DMXL1: variants seen among roughly 807,000 people sequenced by gnomAD.
The protein encoded by DMXL1 is Dmx like 1, also known as dmX-like protein 1.
Under a neutral mutation model 319.2 loss-of-function variants are expected in DMXL1, and 99 were observed. The ratio of observed to expected loss-of-function variants is 0.31; its 90% CI spans 0.26 to 0.37. The LOEUF (loss-of-function observed/expected upper bound fraction) is 0.37, where lower values mean the gene tolerates loss of function less well. DMXL1 is among the 10% of genes least tolerant of loss of function. The pLI is 1.00. For synonymous variants in DMXL1, 1,385 were observed against 1,235.2 expected, an observed-to-expected ratio of 1.12 and a Z score of -2.54; for missense variants, 3,745 against 3,595.6, an observed-to-expected ratio of 1.04 and a Z score of -1.06.
intron 8 of DMXL1, among the ~76,000 whole-genome samples, chr5:119,120,605 A>G (rs145338302): frequency 6.6e-6 from 1 of 152,394 alleles, no homozygotes; most frequent in African/African-American, 2.4e-5. Context: ...AGTTAGCTAT[A>G]GACAAAAGAC....
At chr5:119,085,491 C>T (rs758060906) in intron 1 of DMXL1, among the ~76,000 whole-genome samples, 15 of 152,040 alleles carry the variant, frequency 9.9e-5, no homozygotes, top group Non-Finnish European at 1.9e-4. Flanking sequence ...CTATTCTATA[C>T]ACCATTGATG....
Position 119,247,278 on chromosome 5 carries a change from T to C in DMXL1, c.*59T>C. The C allele has an allele frequency of 8.7e-7, 1 of 1,149,774 alleles. No homozygotes were observed. Among genetic ancestry groups the C allele is most frequent in the South Asian group, 1.5e-5 (1 of 65,958 alleles). 71.2% of individuals were successfully genotyped at this position (1,149,774 alleles called of 1,614,324 possible). On this transcript the variant is annotated 3_prime_UTR_variant, in exon 44 of 44. Transcript: ENST00000539542. ...ATATGGAAGTGGCCAACAGATATAA[T>C]ATACAGTGATCATTCTCTATGCCAC...
At chr5:119,138,698 G>A (rs182177958) in intron 13 of DMXL1, among the ~76,000 whole-genome samples, 2 of 152,258 alleles carry the variant, frequency 1.3e-5, no homozygotes, top group African/African-American at 2.4e-5. Flanking sequence ...TTAGCCAGAT[G>A]TGGTGGCAGG....
In DMXL1 at chr5:119,127,207, C is replaced by G. The variant is rs1580873207; in HGVS notation, c.1103-2004C>G. On this transcript the variant is annotated intron_variant, in intron 9 of 43. Transcript: ENST00000539542. The stretch of plus-strand genomic sequence containing the variant: ...GTATGTGTGTTCCTATCAAGATACT[C>G]CTTAGAATTGTAAAATTACAGTGCT... The G allele has an allele frequency of 1.6e-5, 3 of 183,112 alleles. No homozygotes were observed. In the South Asian group the frequency reaches 4.2e-4, roughly 25 times the overall value. The allele number at this position is 183,112 out of a possible 1,614,324, so 11.3% of individuals were successfully genotyped here.
At chr5:119,230,410 G>T (rs752561510) in intron 38 of DMXL1, among the ~76,000 whole-genome samples, 1 of 152,104 alleles carries the variant, frequency 6.6e-6, no homozygotes, top group Admixed American at 6.6e-5. Flanking sequence ...TTTTAAGTGC[G>T]TTAGATATAA....
In DMXL1 at chr5:119,071,390, C is replaced by CCGGGGCTCGGGATGAGTCG. The variant is rs1480926156; in HGVS notation, c.-175_-157dup. On this transcript the variant is annotated 5_prime_UTR_variant, in exon 1 of 44. The change creates a new upstream start codon in the 5' untranslated region. Transcript: ENST00000539542. The stretch of plus-strand genomic sequence containing the variant: ...ACCCGCCCCCTCCGGGCCTCGCCCT[C>CCGGGGCTCGGGATGAGTCG]CGGGGCTCGGGATGAGTCGCGGGCC... 5.0e-6 allele frequency: 3 copies of CCGGGGCTCGGGATGAGTCG among 598,100 alleles called. No homozygotes were observed. The highest frequency in any genetic ancestry group is 8.5e-6 in the Non-Finnish European group (3 of 351,488). 37.0% of individuals were successfully genotyped at this position (598,100 alleles called of 1,614,324 possible).
chr5:119,183,931 T>A (rs1777227281), intron 28 of DMXL1, among the ~76,000 whole-genome samples: 1 of 152,218 alleles, frequency 6.6e-6, no homozygotes, highest in African/African-American at 2.4e-5. Flanking sequence ...TGTGCATGTA[T>A]AGATTTTTAC....
chr5:119,159,759 G>A (rs74654205), intron 19 of DMXL1, among the ~76,000 whole-genome samples: 3 of 152,126 alleles, frequency 2.0e-5, no homozygotes, highest in African/African-American at 7.2e-5. Flanking sequence ...AAGTAGCTGG[G>A]ATTACAGGTT....
Position 119,114,494 on chromosome 5 carries a change from T to C in DMXL1, c.517T>C (p.Leu173=). Residue 173 remains leucine, a synonymous_variant, in exon 6 of 44, where the codon TTA becomes CTA. Transcript: ENST00000539542. ...WHCKTASQVH[L]MKFSPDGEFF... The stretch of plus-strand genomic sequence containing the variant: ...TTACAGAACTGCTTCCCAAGTTCAT[T>C]TAATGAAATTTTCACCAGATGGAGA... 6.2e-7 allele frequency: 1 copy of C among 1,609,140 alleles called. No individual in the cohort carries two copies.
chr5:119,135,476 A>C (rs1765787326), intron 13 of DMXL1, among the ~76,000 whole-genome samples: 1 of 152,178 alleles, frequency 6.6e-6, no homozygotes, highest in South Asian at 2.1e-4. Context: ...GTGATTTGGG[A>C]AAACGGACAG....
chr5:119,090,845 G>A (rs930431729), intron 1 of DMXL1, among the ~76,000 whole-genome samples: 6 of 151,868 alleles, frequency 4.0e-5, no homozygotes, highest in Admixed American at 2.0e-4. Context: ...GATTACAGGC[G>A]TGAGCCACCG....
chr5:119,170,284 TGATACA>T lies in DMXL1; in HGVS notation c.5494_5499del (p.Asp1832_Thr1833del), dbSNP rs759289692. On this transcript the variant is annotated inframe_deletion, in exon 24 of 44. Transcript: ENST00000539542. ...TGCTGAGACGTCATTTTGGATCATC[TGATACA>T]TTTTCCACACATATGAGCCTAACAG... is the stretch of plus-strand genomic sequence containing the variant. The T allele has an allele frequency of 3.1e-6, 5 of 1,613,906 alleles. No homozygotes were observed. In the Admixed American group the frequency reaches 8.3e-5, roughly 27 times the overall value.
intron 3 of DMXL1, 67 bp downstream of exon 3, chr5:119,102,073 A>G: frequency 9.9e-7 from 1 of 1,012,510 alleles, no homozygotes; most frequent in Non-Finnish European, 1.5e-6. Context: ...GTGTAAAATC[A>G]GAGTGATCAT....
chr5:119,218,745 C>T (rs1236548805), intron 35 of DMXL1, among the ~76,000 whole-genome samples: 1 of 152,222 alleles, frequency 6.6e-6, no homozygotes, highest in East Asian at 1.9e-4. Context: ...AGGCGTGAGC[C>T]ACTGCACCCA....
At chr5:119,196,319 T>G in intron 30 of DMXL1, 52 bp from the exon 31 acceptor site, 1 of 1,407,198 alleles carries the variant, frequency 7.1e-7, no homozygotes, top group Non-Finnish European at 1.0e-6. Flanking sequence ...TAGTATACTC[T>G]TCTAAATCCC....
chr5:119,134,167 G>A lies in DMXL1; in HGVS notation c.2243G>A (p.Ser748Asn). The A allele has an allele frequency of 1.2e-6, 2 of 1,612,686 alleles. No homozygotes were observed. The highest frequency in any genetic ancestry group is 3.3e-5 in the Admixed American group (2 of 59,734). The stretch of plus-strand genomic sequence containing the variant: ...GCATGGCTGCCCACTCTTATACCCA[G>A]TTATTGTCTGGGTAAGTATTCTGGT... ...NVAWLPTLIPSYCLGAYCNSP... is the reference protein window; with the variant it reads ...NVAWLPTLIPNYCLGAYCNSP... The change falls in exon 12 of 44, where the codon AGT (serine) becomes AAT (asparagine). Residue 748 changes from serine (S) to asparagine (N), a missense_variant. Around this residue, in one of 4 missense-constraint regions of DMXL1, gnomAD observed 2,096 missense variants for 1,985.4 expected, o/e 1.06. Coordinates refer to ENST00000539542, the MANE Select transcript of DMXL1 (RefSeq NM_001290321.3).
chr5:119,125,363 C>T (rs756997836), intron 9 of DMXL1, among the ~76,000 whole-genome samples: 43 of 152,100 alleles, frequency 2.8e-4, no homozygotes, highest in Admixed American at 7.9e-4. Flanking sequence ...CTGCTGCTTA[C>T]GGAAAGTATA....
chr5:119,169,239 AG>A (rs1774066011), intron 23 of DMXL1, among the ~76,000 whole-genome samples: 1 of 152,220 alleles, frequency 6.6e-6, no homozygotes, highest in Admixed American at 6.5e-5. Context: ...ATTTGGGACT[AG>A]TACATTTTTA....
Position 119,149,758 on chromosome 5 carries a change from C to G in DMXL1, c.3931C>G (p.Leu1311Val). Residue 1311 changes from leucine (L) to valine (V), a missense_variant, in exon 18 of 44, where the codon CTT (leucine) becomes GTT (valine). Physicochemically the swap from Leu to Val is conservative, Grantham distance 32 (BLOSUM62 1). Coordinates refer to ENST00000539542, the MANE Select transcript of DMXL1 (RefSeq NM_001290321.3). ...TTCAGTGGATATGGAAGATTCAGGT[C>G]TTTTTGAAGCAGCTCATGTACTTTC... ...DPSVDMEDSGLFEAAHVLSPT... is the reference protein window; with the variant it reads ...DPSVDMEDSGVFEAAHVLSPT... The G allele has an allele frequency of 6.2e-7, 1 of 1,613,926 alleles. No homozygotes were observed.
Sources: gnomAD v4.1 joint callset for allele counts (sites outside exome capture counted in the v4.1 genomes callset) on GRCh38, gnomAD v4.1.1 for gene constraint, gnomAD v4.1.1 regional missense constraint, MANE v1.5 for transcripts, NCBI Gene and HGNC (gene_info 2026-07-23, HGNC 2026-07-21) for gene names.